Variants in RTEL1 observed in about 807,000 individuals in gnomAD.
The protein encoded by RTEL1 is regulator of telomere elongation helicase 1, also known as regulator of telomere length.
Under a neutral mutation model 162.2 loss-of-function variants are expected in RTEL1, and 86 were observed. The observed-to-expected ratio is 0.53, with a 90% CI of 0.45 to 0.63. The LOEUF (loss-of-function observed/expected upper bound fraction) is 0.63, where lower values mean the gene tolerates loss of function less well. RTEL1 is among the 30% of genes least tolerant of loss of function. The probability of loss-of-function intolerance (pLI) is 0.00; values close to 1 mark genes in which losing one functional copy is unlikely to be tolerated. For synonymous variants in RTEL1, 958 were observed against 717.9 expected (o/e 1.33, Z -5.35); for missense variants, 1,941 against 1,750.2 (o/e 1.11, Z -1.95).
At chr20:63,669,005 T>C (rs1479895102) in intron 8 of RTEL1, among the ~76,000 whole-genome samples, 1 of 151,976 alleles carries the variant, frequency 6.6e-6, no homozygotes, top group Non-Finnish European at 1.5e-5. Flanking sequence ...TTTTTTTCAG[T>C]TGGAATCTCA....
At chr20:63,664,963 C>G (rs1240751655) in intron 6 of RTEL1, 1 of 152,600 alleles carries the variant, frequency 6.6e-6, no homozygotes, top group African/African-American at 2.4e-5. Flanking sequence ...CTCCGCCAGG[C>G]AAGGTTTGGC....
At position 63,695,054 on chromosome 20, in the gene RTEL1, A is replaced by C. The variant is rs2090939512; in HGVS notation, c.3344-12A>C. On this transcript the variant is annotated splice_polypyrimidine_tract_variant and intron_variant, in intron 32 of 34. Coordinates refer to ENST00000360203, the MANE Select transcript of RTEL1 (RefSeq NM_001283009.2). ...TGGGGGCTGTGCCGGGTCTGATTGAAGCTCCCCGCAGGGTTCAGCATGTTT... is the reference window on the plus strand; with the variant it reads ...TGGGGGCTGTGCCGGGTCTGATTGACGCTCCCCGCAGGGTTCAGCATGTTT... 3.7e-6 allele frequency: 6 copies of C among 1,610,700 alleles called. No individual in the cohort carries two copies. Among genetic ancestry groups the C allele is most frequent in the Non-Finnish European group, 5.1e-6 (6 of 1,178,782 alleles).
intron 26 of RTEL1, among the ~76,000 whole-genome samples, 171 bp from the exon 27 acceptor site, chr20:63,690,634 G>A (rs922853874): frequency 3.9e-5 from 6 of 152,064 alleles, no homozygotes; most frequent in African/African-American, 1.2e-4. Context: ...GGCAGAGAAC[G>A]CCCCAGGCAA....
chr20:63,694,410 G>T lies in RTEL1; in HGVS notation c.3031G>T (p.Ala1011Ser). The change falls in exon 31 of 35, where the codon GCT becomes TCT. Residue 1011 changes from alanine (A) to serine (S), a missense_variant. Physicochemically the swap from Ala to Ser is moderately conservative, Grantham distance 99. Transcript: ENST00000360203. Reference sequence around the variant, plus strand: ...GGATCCCAAGCTGACCGTGTCCACGGCTGCAGCCCAGCAGCTGGACCCCCA... The same window carrying T: ...GGATCCCAAGCTGACCGTGTCCACGTCTGCAGCCCAGCAGCTGGACCCCCA... The part of the protein sequence containing the change: ...APDPKLTVST[A>S]AAQQLDPQEH... The T allele has an allele frequency of 6.2e-7, 1 of 1,612,396 alleles. No individual in the cohort carries two copies. Among genetic ancestry groups the T allele is most frequent in the Non-Finnish European group, 8.5e-7 (1 of 1,179,672 alleles).
At position 63,694,482 on chromosome 20, in the gene RTEL1, C is replaced by T. The variant is rs754768798; in HGVS notation, c.3103C>T (p.Pro1035Ser). Residue 1035 changes from proline to serine, a missense_variant, in exon 31 of 35, where the codon CCA (proline) becomes TCA (serine). Pro to Ser is a moderately conservative substitution (Grantham distance 74). Transcript: ENST00000360203. ...GRPHLSPRPPPTGDPGSQPQW... is the reference protein window; with the variant it reads ...GRPHLSPRPPSTGDPGSQPQW... ...GCCCCACCTGTCGCCCAGGCCACCCCCAACAGGTAGCTGACTCCTGAACCG... is the reference window on the plus strand; with the variant it reads ...GCCCCACCTGTCGCCCAGGCCACCCTCAACAGGTAGCTGACTCCTGAACCG... 276 of 1,596,434 alleles carry T rather than the reference C, an allele frequency of 1.7e-4. No homozygotes were observed. Among genetic ancestry groups the T allele is most frequent in the Non-Finnish European group, 2.2e-4 (256 of 1,167,010 alleles).
chr20:63,675,708 G>T (rs780229035), intron 10 of RTEL1, among the ~76,000 whole-genome samples: 2 of 152,118 alleles, frequency 1.3e-5, no homozygotes, highest in Non-Finnish European at 2.9e-5. Context: ...GAGTTGCAGT[G>T]GGGGAAGGGG....
intron 10 of RTEL1, 103 bp from the exon 11 acceptor site, chr20:63,678,042 A>G (rs886884462): frequency 3.2e-5 from 42 of 1,332,300 alleles, no homozygotes; most frequent in Admixed American, 7.3e-5. Flanking sequence ...CTTCCTTTCC[A>G]TGTTGGTGTC....
chr20:63,673,571 C>T (rs565309355), intron 9 of RTEL1, among the ~76,000 whole-genome samples: 46 of 151,820 alleles, frequency 3.0e-4, no homozygotes, highest in Middle Eastern at 3.4e-3. Context: ...CCCGAGTAGC[C>T]GGGACTACAG....
At chr20:63,687,803 G>GGT (rs2090631068) in intron 17 of RTEL1, 33 bp downstream of exon 17, 1 of 1,555,676 alleles carries the variant, frequency 6.4e-7, no homozygotes, top group African/African-American at 1.4e-5. Flanking sequence ...CCTGAGCACC[G>GGT]GTGACACCTC....
intron 12 of RTEL1, 141 bp from the exon 13 acceptor site, chr20:63,679,708 G>C (rs2090442784): frequency 1.4e-6 from 1 of 700,444 alleles, no homozygotes; most frequent in Non-Finnish European, 2.6e-6. Context: ...CTCCAGGCTC[G>C]AGCCTGTTTT....
At chr20:63,675,674 C>A (rs756250297) in intron 10 of RTEL1, among the ~76,000 whole-genome samples, 1 of 152,188 alleles carries the variant, frequency 6.6e-6, no homozygotes, top group Non-Finnish European at 1.5e-5. Flanking sequence ...CCACTGCCAC[C>A]GGCTCTCAAG....
chr20:63,658,218 T>C (rs2089947799), upstream of RTEL1: 1 of 152,202 alleles, frequency 6.6e-6, no homozygotes, highest in Non-Finnish European at 1.5e-5. Flanking sequence ...CAAAACGCCG[T>C]GTAGGCCTGG....
rs2090912920 is a variant in RTEL1 at position 63,694,403 on chromosome 20, G to T, written c.3024G>T (p.Val1008=). ...CGGCGCCGGATCCCAAGCTGACCGT[G>T]TCCACGGCTGCAGCCCAGCAGCTGG... is the stretch of plus-strand genomic sequence containing the variant. ...GRTAPDPKLT[V]STAAAQQLDP... The change falls in exon 31 of 35, where the codon GTG becomes GTT. Residue 1008 remains valine, a synonymous_variant. Transcript: ENST00000360203. The T allele has an allele frequency of 1.2e-6, 2 of 1,612,352 alleles. No homozygotes were observed. The highest frequency in any genetic ancestry group is 1.3e-5 in the African/African-American group (1 of 75,030).
At chr20:63,676,804 G>A (rs913797704) in intron 10 of RTEL1, among the ~76,000 whole-genome samples, 93 of 152,220 alleles carry the variant, frequency 6.1e-4, no homozygotes, top group African/African-American at 2.2e-3. Context: ...GTGTGGTGGT[G>A]CATGCTTGTA....
At chr20:63,676,913 G>A (rs2738781) in intron 10 of RTEL1, among the ~76,000 whole-genome samples, 123,050 of 151,928 alleles carry the variant, frequency 0.81, 50,631 homozygotes, top group Middle Eastern at 0.92. Context: ...CCAGCCTGGC[G>A]ACAGAGCGAG....
chr20:63,671,538 G>C (rs2090241431), intron 8 of RTEL1, among the ~76,000 whole-genome samples: 1 of 151,562 alleles, frequency 6.6e-6, no homozygotes, highest in Admixed American at 6.6e-5. Context: ...CTAGAGTGCA[G>C]TGGTGCGATC....
In RTEL1 at chr20:63,661,186, C is replaced by G; in HGVS notation, c.103-112C>G. On this transcript the variant is annotated intron_variant, in intron 2 of 34. Coordinates refer to ENST00000360203, the MANE Select transcript of RTEL1 (RefSeq NM_001283009.2). This position sits in a 1 kb window ranked among gnomAD's most constrained non-coding sequence, Gnocchi z 5.1. ...AGGGCTCTCGCCACCTGGCAGTGGC[C>G]TCTGCATCTGCAAAGAGCTGCCCGC... 1 of 954,238 alleles carries G rather than the reference C, an allele frequency of 1.0e-6. No individual in the cohort carries two copies. The highest frequency in any genetic ancestry group is 1.5e-5 in the South Asian group (1 of 64,594). The allele number at this position is 954,238 out of a possible 1,614,324, so 59.1% of individuals were successfully genotyped here.
At chr20:63,663,334 C>G (rs890864351) in intron 6 of RTEL1, among the ~76,000 whole-genome samples, 1 of 152,236 alleles carries the variant, frequency 6.6e-6, no homozygotes, top group Non-Finnish European at 1.5e-5. Flanking sequence ...GCGACCCTGC[C>G]CCGTGTGTCT....
rs144740387 is a variant in RTEL1 at position 63,678,047 on chromosome 20, G to A, written c.920-98G>A. On this transcript the variant is annotated intron_variant, in intron 10 of 34. Coordinates refer to ENST00000360203, the MANE Select transcript of RTEL1 (RefSeq NM_001283009.2). Reference sequence around the variant, plus strand: ...TGTGTGGCCTCTTCCTTTCCATGTTGGTGTCCTTTTTTCCATGCCAGGAAT... The same window carrying A: ...TGTGTGGCCTCTTCCTTTCCATGTTAGTGTCCTTTTTTCCATGCCAGGAAT... 7 of 1,360,996 alleles carry A rather than the reference G, an allele frequency of 5.1e-6. No individual in the cohort carries two copies. The East Asian group carries it at 1.4e-4, about 27-fold the overall frequency. 84.3% of individuals were successfully genotyped at this position (1,360,996 alleles called of 1,614,324 possible).
Sources: gnomAD v4.1 joint callset for allele counts (sites outside exome capture counted in the v4.1 genomes callset) on GRCh38, gnomAD v4.1.1 for gene constraint, Gnocchi (gnomAD v3.1) non-coding constraint, MANE v1.5 for transcripts, NCBI Gene and HGNC (gene_info 2026-07-23, HGNC 2026-07-21) for gene names.